PARD6G: variants seen among roughly 807,000 people sequenced by gnomAD.
PARD6G encodes partitioning defective 6 homolog gamma.
A neutral mutation model predicts 10.7 loss-of-function variants in PARD6G; 7 were observed. The observed-to-expected ratio is 0.66, with a 90% CI of 0.37 to 1.23. The LOEUF (loss-of-function observed/expected upper bound fraction) is 1.23. Ranked by LOEUF, PARD6G falls within the 50% of genes most tolerant of loss-of-function variation. The pLI is 0.02. For missense variants in PARD6G, 548 were observed against 571.8 expected (o/e 0.96, Z 0.42); for synonymous variants, 287 against 269.4 (o/e 1.07, Z -0.64).
rs1044230230 is a variant in PARD6G, at chr18:80,160,003, T to A, written c.899A>T (p.Asp300Val). ...PDEAESDEDNDVVIEGTLEPA... is the reference protein window; with the variant it reads ...PDEAESDEDNVVVIEGTLEPA... ...CTCCAGTGTGCCCTCGATGACGACGTCGTTGTCCTCATCGCTCTCCGCCTC... is the reference window on the plus strand; with the variant it reads ...CTCCAGTGTGCCCTCGATGACGACGACGTTGTCCTCATCGCTCTCCGCCTC... Residue 300 changes from aspartate (D) to valine (V), a missense_variant, in exon 3 of 3, where the codon GAC becomes GTC. By Grantham distance (152) the Asp-to-Val change is radical (BLOSUM62 -3). Around this residue, in one of 2 missense-constraint regions of PARD6G, gnomAD observed 313 missense variants for 279.9 expected, o/e 1.12. Transcript: ENST00000353265. 4.6e-6 allele frequency: 7 copies of A among 1,522,854 alleles called. No individual in the cohort carries two copies. The highest frequency in any genetic ancestry group is 6.1e-6 in the Non-Finnish European group (7 of 1,142,486). 94.3% of individuals were successfully genotyped at this position (1,522,854 alleles called of 1,614,324 possible).
intron 2 of PARD6G, chr18:80,170,941 G>A (rs2052771832): frequency 6.6e-6 from 1 of 152,056 alleles, no homozygotes; most frequent in Non-Finnish European, 1.5e-5. Context: ...GGCTATTCCT[G>A]GCCCTGACCC....
At position 80,157,339 on chromosome 18, in the gene PARD6G, C is replaced by T. The variant is rs1209635978; in HGVS notation, c.*2432G>A. ...TTGTTTTTTTAAAAGGAGAAAGTGG[C>T]AGAAGTACAGACCTGTGTAGAAAAA... On this transcript the variant is annotated 3_prime_UTR_variant, in exon 3 of 3. Transcript: ENST00000353265. 1 of 151,832 alleles carries T rather than the reference C, an allele frequency of 6.6e-6. No individual in the cohort carries two copies. Among genetic ancestry groups the T allele is most frequent in the Non-Finnish European group, 1.5e-5 (1 of 68,002 alleles). 9.4% of individuals were successfully genotyped at this position (151,832 alleles called of 1,614,324 possible). A position where few individuals can be genotyped will look rare whatever the true frequency, so the allele number is the denominator to read the frequency against.
intron 1 of PARD6G, among the ~76,000 whole-genome samples, chr18:80,242,396 T>A (rs920243492): frequency 2.0e-5 from 3 of 152,214 alleles, no homozygotes; most frequent in African/African-American, 4.8e-5. Flanking sequence ...CCACCGGCTG[T>A]CGCACATCAC....
In PARD6G at chr18:80,180,222, C is replaced by A. The variant is rs1346457211; in HGVS notation, c.296-19616G>T. On this transcript the variant is annotated intron_variant, in intron 2 of 2. Coordinates refer to ENST00000353265, the MANE Select transcript of PARD6G (RefSeq NM_032510.4). This position sits in a 1 kb window ranked among gnomAD's most constrained non-coding sequence, Gnocchi z 5.6. ...TCCTGAGCTCACTCCTGGTGATACA[C>A]CCTCAGCAGCCCAGGTGGCAGAGGG... Among the ~76,000 whole-genome samples, 2 of 152,250 alleles carry A rather than the reference C, an allele frequency of 1.3e-5. No homozygotes were observed. Among genetic ancestry groups the A allele is most frequent in the Non-Finnish European group, 1.5e-5 (1 of 68,038 alleles).
At chr18:80,221,192 G>A (rs1429535604) in intron 1 of PARD6G, among the ~76,000 whole-genome samples, 3 of 152,068 alleles carry the variant, frequency 2.0e-5, no homozygotes, top group Non-Finnish European at 4.4e-5. Context: ...AAAAATAAGA[G>A]GGATGCCAAT....
intron 2 of PARD6G, among the ~76,000 whole-genome samples, chr18:80,177,024 T>TGC (rs1354304651): frequency 1.0e-4 from 6 of 57,298 alleles, no homozygotes; most frequent in African/African-American, 2.0e-4. Flanking sequence ...CGCGCGCGCG[T>TGC]GCACACACAC....
intron 2 of PARD6G, chr18:80,169,666 T>A (rs559564954): frequency 2.6e-5 from 4 of 152,256 alleles, no homozygotes; most frequent in Non-Finnish European, 5.9e-5. Flanking sequence ...TTCAACTTCA[T>A]TACCTAAAGT....
chr18:80,169,040 A>G (rs1344144344), intron 2 of PARD6G: 1 of 169,238 alleles, frequency 5.9e-6, no homozygotes, highest in African/African-American at 2.4e-5. Context: ...CTTCTCTCGG[A>G]TGGAGCCTGT....
At position 80,159,680 on chromosome 18, in the gene PARD6G, A is replaced by T; in HGVS notation, c.*91T>A. 7.6e-7 allele frequency: 1 copy of T among 1,319,082 alleles called. No individual in the cohort carries two copies. The highest frequency in any genetic ancestry group is 9.7e-7 in the Non-Finnish European group (1 of 1,032,166). 81.7% of individuals were successfully genotyped at this position (1,319,082 alleles called of 1,614,324 possible). A position where few individuals can be genotyped will look rare whatever the true frequency, so the allele number is the denominator to read the frequency against. On this transcript the variant is annotated 3_prime_UTR_variant, in exon 3 of 3. Coordinates refer to ENST00000353265, the MANE Select transcript of PARD6G (RefSeq NM_032510.4). The stretch of plus-strand genomic sequence containing the variant: ...AGCAGCGTTGTTTTTGTGGTCACAA[A>T]AACAACAAAAAATGAGCGGATGCAG...
rs1229639504 is a variant in PARD6G at position 80,192,687 on chromosome 18, G to A, written c.295+10023C>T. Among the ~76,000 whole-genome samples the A allele has an allele frequency of 6.6e-6, 1 of 152,184 alleles. No homozygotes were observed. The highest frequency in any genetic ancestry group is 1.5e-5 in the Non-Finnish European group (1 of 68,028). ...CTGTGGTCCAGAACACCAAAGACAA[G>A]GAGGGAAGAATGATAAGAGTGAAAG... On this transcript the variant is annotated intron_variant, in intron 2 of 2. Coordinates refer to ENST00000353265, the MANE Select transcript of PARD6G (RefSeq NM_032510.4). The surrounding 1 kb of genome is among the most constrained non-coding windows in gnomAD (Gnocchi z 4.9).
chr18:80,177,849 C>T (rs567863103), intron 2 of PARD6G, among the ~76,000 whole-genome samples: 9 of 150,236 alleles, frequency 6.0e-5, no homozygotes, highest in Non-Finnish European at 1.2e-4. Flanking sequence ...GCAGTCCAAA[C>T]GGGAAGCACA....
intron 1 of PARD6G, among the ~76,000 whole-genome samples, chr18:80,205,031 A>G (rs957206568): frequency 6.6e-6 from 1 of 152,170 alleles, no homozygotes; most frequent in Non-Finnish European, 1.5e-5. Context: ...CCTACGGTCT[A>G]CATACTCAGT....
At chr18:80,198,960 A>C (rs1966983016) in intron 2 of PARD6G, among the ~76,000 whole-genome samples, 1 of 152,196 alleles carries the variant, frequency 6.6e-6, no homozygotes, top group Admixed American at 6.5e-5. Flanking sequence ...GTATTTATGC[A>C]AATCTCTAGT....
At chr18:80,203,464 C>T (rs59873241) in intron 1 of PARD6G, among the ~76,000 whole-genome samples, 40,362 of 152,000 alleles carry the variant, frequency 0.27, 6,952 homozygotes, top group Non-Finnish European at 0.4. Context: ...GCCCTCTCGT[C>T]CACACTGACC....
At position 80,192,774 on chromosome 18, in the gene PARD6G, T is replaced by G. The variant is rs973913823; in HGVS notation, c.295+9936A>C. Among the ~76,000 whole-genome samples the G allele has an allele frequency of 5.9e-5, 9 of 152,052 alleles. No individual in the cohort carries two copies. In the East Asian group the frequency reaches 1.5e-3, roughly 26 times the overall value. On this transcript the variant is annotated intron_variant, in intron 2 of 2. Coordinates refer to ENST00000353265, the MANE Select transcript of PARD6G (RefSeq NM_032510.4). This position sits in a 1 kb window ranked among gnomAD's most constrained non-coding sequence, Gnocchi z 4.9. ...TCCCAAATCTCCACTGTTCATTATC[T>G]CCTCCTCACAGTCCCCACGCTGTGG... is the stretch of plus-strand genomic sequence containing the variant.
chr18:80,178,641 C>T (rs115404339), intron 2 of PARD6G, among the ~76,000 whole-genome samples: 340 of 152,284 alleles, frequency 2.2e-3, no homozygotes, highest in African/African-American at 7.9e-3. Context: ...CTAGCAACGC[C>T]GACTCTCACC....
chr18:80,184,861 CTA>C lies in PARD6G; in HGVS notation c.295+17847_295+17848del, dbSNP rs2145266233. 1 of 152,312 alleles carries C rather than the reference CTA, an allele frequency of 6.6e-6. No homozygotes were observed. The highest frequency in any genetic ancestry group is 1.5e-5 in the Non-Finnish European group (1 of 68,038). The allele number at this position is 152,312 out of a possible 1,614,324, so 9.4% of individuals were successfully genotyped here. ...GGGTGGTGAAAATGTTCTAAACTGA[CTA>C]TGGCTGCACAACTCTGTGAACACAC... On this transcript the variant is annotated intron_variant, in intron 2 of 2. Transcript: ENST00000353265. This position sits in a 1 kb window ranked among gnomAD's most constrained non-coding sequence, Gnocchi z 4.5.
At chr18:80,204,407 C>A (rs942964538) in intron 1 of PARD6G, among the ~76,000 whole-genome samples, 1 of 152,056 alleles carries the variant, frequency 6.6e-6, no homozygotes. Context: ...AGAGCTGATG[C>A]TATTGATCTG....
At chr18:80,196,796 C>T (rs1390905244) in intron 2 of PARD6G, among the ~76,000 whole-genome samples, 1 of 151,702 alleles carries the variant, frequency 6.6e-6, no homozygotes, top group Non-Finnish European at 1.5e-5. Flanking sequence ...ATTTTCTCCT[C>T]CCTCAACACA....
Sources: gnomAD v4.1 joint callset for allele counts (sites outside exome capture counted in the v4.1 genomes callset) on GRCh38, gnomAD v4.1.1 for gene constraint, gnomAD v4.1.1 regional missense constraint, Gnocchi (gnomAD v3.1) non-coding constraint, MANE v1.5 for transcripts, NCBI Gene and HGNC (gene_info 2026-07-23, HGNC 2026-07-21) for gene names.